TPH2: variants seen among roughly 807,000 people sequenced by gnomAD.
TPH2 encodes the protein tryptophan hydroxylase 2, also known as tryptophan 5-hydroxylase 2.
Under a neutral mutation model 59.1 loss-of-function variants are expected in TPH2, and 27 were observed. The ratio of observed to expected loss-of-function variants is 0.46; its 90% CI spans 0.34 to 0.63. The LOEUF is 0.63. TPH2 is among the 30% of genes least tolerant of loss of function. The pLI is 0.01. For missense variants in TPH2, 523 were observed against 588.3 expected, an observed-to-expected ratio of 0.89 and a Z score of 1.15; for synonymous variants, 220 against 210.5, an observed-to-expected ratio of 1.05 and a Z score of -0.39.
At chr12:72,014,649 C>A (rs889559513) in intron 8 of TPH2, among the ~76,000 whole-genome samples, 13 of 152,102 alleles carry the variant, frequency 8.5e-5, no homozygotes, top group Admixed American at 8.5e-4. Flanking sequence ...CCTTGGCCTC[C>A]CGAAGTGCTG....
chr12:71,994,618 A>G, intron 8 of TPH2, 53 bp downstream of exon 8: 1 of 1,606,072 alleles, frequency 6.2e-7, no homozygotes, highest in Admixed American at 1.7e-5. Flanking sequence ...TTTGTAAGGT[A>G]AAGAAAGCTT....
chr12:71,983,739 A>AAGAG (rs371686732), intron 7 of TPH2, among the ~76,000 whole-genome samples: 2 of 150,664 alleles, frequency 1.3e-5, no homozygotes, highest in South Asian at 2.1e-4. Flanking sequence ...CAGAGAGAGA[A>AAGAG]AGAGAGAGAG....
At chr12:71,989,948 GGTT>G (rs1566145561) in intron 7 of TPH2, among the ~76,000 whole-genome samples, 18 of 13,274 alleles carry the variant, frequency 1.4e-3, no homozygotes, top group Non-Finnish European at 2.2e-3. Context: ...ATCAGCTCTT[GGTT>G]TTTTTTTTTT....
chr12:72,024,267 G>A (rs1873508071), intron 9 of TPH2, among the ~76,000 whole-genome samples: 2 of 152,190 alleles, frequency 1.3e-5, no homozygotes, highest in South Asian at 2.1e-4. Flanking sequence ...GAATGGAAAG[G>A]GTAAATAAGG....
intron 7 of TPH2, among the ~76,000 whole-genome samples, chr12:71,986,442 C>G (rs141192779): frequency 2.4e-4 from 37 of 152,120 alleles, no homozygotes; most frequent in African/African-American, 8.2e-4. Flanking sequence ...TCTTATAGAG[C>G]CTTTTGTCTA....
At chr12:71,968,744 G>A (rs1248209945) in intron 5 of TPH2, among the ~76,000 whole-genome samples, 1 of 152,198 alleles carries the variant, frequency 6.6e-6, no homozygotes, top group East Asian at 1.9e-4. Context: ...TGATTCCCTA[G>A]TAGGCTGGTG....
chr12:71,939,707 AG>A (rs2139174249), intron 1 of TPH2, among the ~76,000 whole-genome samples: 1 of 152,318 alleles, frequency 6.6e-6, no homozygotes, highest in Admixed American at 6.5e-5. Context: ...CACTTGCTAT[AG>A]TATTTAAGGG....
At chr12:71,939,143 A>G (rs756481046) in intron 1 of TPH2, 52 bp downstream of exon 1, 2 of 1,355,526 alleles carry the variant, frequency 1.5e-6, no homozygotes, top group Non-Finnish European at 2.1e-6. Flanking sequence ...GGGTGTGACC[A>G]TCTTCTCCTC....
chr12:71,975,771 AG>A (rs1029259750), intron 6 of TPH2, among the ~76,000 whole-genome samples: 2 of 152,222 alleles, frequency 1.3e-5, no homozygotes, highest in Non-Finnish European at 2.9e-5. Context: ...ACTGAGGAAA[AG>A]AGATTGAGAA....
intron 5 of TPH2, among the ~76,000 whole-genome samples, chr12:71,956,671 A>G (rs1005274291): frequency 1.3e-5 from 2 of 151,308 alleles, no homozygotes; most frequent in African/African-American, 4.9e-5. Context: ...GTGCAGTGGT[A>G]TGATTTTAGC....
Position 71,972,663 on chromosome 12 carries a change from C to G in TPH2, c.753C>G (p.Gly251=), listed in dbSNP as rs1872006088. The change falls in exon 6 of 11, where the codon GGC becomes GGG. Residue 251 remains glycine, a synonymous_variant. Coordinates refer to ENST00000333850, the MANE Select transcript of TPH2 (RefSeq NM_173353.4). The part of the protein sequence containing the change: ...KNFPLLTKYC[G]YREDNVPQLE... ...TCCCTCTGCTGACTAAATACTGTGG[C>G]TACAGAGAGGACAATGTGCCTCAAC... 3 of 1,614,118 alleles carry G rather than the reference C, an allele frequency of 1.9e-6. No individual in the cohort carries two copies. The highest frequency in any genetic ancestry group is 2.5e-6 in the Non-Finnish European group (3 of 1,180,016).
chr12:71,987,149 C>G (rs899997616), intron 7 of TPH2, among the ~76,000 whole-genome samples: 1 of 152,152 alleles, frequency 6.6e-6, no homozygotes, highest in Admixed American at 6.5e-5. Flanking sequence ...GGTAATTTCC[C>G]TAAGGTTACA....
chr12:71,981,875 T>G (rs1280867691), intron 7 of TPH2, among the ~76,000 whole-genome samples: 1 of 151,924 alleles, frequency 6.6e-6, no homozygotes, highest in African/African-American at 2.4e-5. Flanking sequence ...CACAATAGAT[T>G]TGAGTAGTTA....
chr12:71,966,765 G>A (rs1871829830), intron 5 of TPH2, among the ~76,000 whole-genome samples: 1 of 152,084 alleles, frequency 6.6e-6, no homozygotes, highest in Non-Finnish European at 1.5e-5. Flanking sequence ...TTGCCATCTT[G>A]ATGTAAATAC....
At chr12:72,014,522 C>T (rs974071280) in intron 8 of TPH2, among the ~76,000 whole-genome samples, 5 of 151,810 alleles carry the variant, frequency 3.3e-5, no homozygotes, top group Admixed American at 1.3e-4. Context: ...TCCAGAGTAG[C>T]TGGGATTACA....
Position 71,981,183 on chromosome 12 carries a change from C to G in TPH2, c.941+2096C>G, listed in dbSNP as rs534555894. Among the ~76,000 whole-genome samples the G allele has an allele frequency of 4.6e-5, 7 of 152,238 alleles. No individual in the cohort carries two copies. The East Asian group carries it at 1.2e-3, about 25-fold the overall frequency. On this transcript the variant is annotated intron_variant, in intron 7 of 10. Transcript: ENST00000333850. ...GGGAGGCTTTGCAAGTCAGGGGAAA[C>G]AGCAAGTGCAAAGTTGTGGAGACAC...
chr12:72,023,054 T>C (rs1269391349), intron 9 of TPH2, among the ~76,000 whole-genome samples: 1 of 152,208 alleles, frequency 6.6e-6, no homozygotes, highest in Non-Finnish European at 1.5e-5. Flanking sequence ...GCCTAAAGAA[T>C]GTCACTTTGT....
chr12:72,020,297 C>T (rs1018772651), intron 8 of TPH2, among the ~76,000 whole-genome samples: 1 of 152,146 alleles, frequency 6.6e-6, no homozygotes, highest in African/African-American at 2.4e-5. Context: ...CCTAAATGAA[C>T]AGACACCTGC....
Position 71,962,448 on chromosome 12 carries a change from T to C in TPH2, c.609-10071T>C, listed in dbSNP as rs1871712378. ...GGTTACAAGTGTGACTGAGTGATGATGTCTAGATAAGGGTCAGGAAAACTG... is the reference window on the plus strand; with the variant it reads ...GGTTACAAGTGTGACTGAGTGATGACGTCTAGATAAGGGTCAGGAAAACTG... On this transcript the variant is annotated intron_variant, in intron 5 of 10. Transcript: ENST00000333850. 4 of 985,230 alleles carry C rather than the reference T, an allele frequency of 4.1e-6. No individual in the cohort carries two copies. In the South Asian group the frequency reaches 1.9e-4, roughly 46 times the overall value. 61.0% of individuals were successfully genotyped at this position (985,230 alleles called of 1,614,324 possible).
Sources: gnomAD v4.1 joint callset for allele counts (sites outside exome capture counted in the v4.1 genomes callset) on GRCh38, gnomAD v4.1.1 for gene constraint, MANE v1.5 for transcripts, NCBI Gene and HGNC (gene_info 2026-07-23, HGNC 2026-07-21) for gene names.